Variants in TAF1C observed in about 807,000 individuals in gnomAD.
TAF1C encodes the protein TATA box-binding protein-associated factor RNA polymerase I subunit C.
Under a neutral mutation model 70.5 loss-of-function variants are expected in TAF1C, and 79 were observed. That is an observed-to-expected ratio of 1.12 (90% CI 0.93 to 1.35). TAF1C has a LOEUF of 1.35. Ranked by LOEUF, TAF1C falls within the 40% of genes most tolerant of loss-of-function variation. The pLI is 0.00. For synonymous variants in TAF1C, 614 were observed against 491.1 expected (o/e 1.25, Z -3.31); for missense variants, 1,412 against 1,127.8 (o/e 1.25, Z -3.61).
chr16:84,181,566 G>A (rs756249465), intron 10 of TAF1C, 26 bp downstream of exon 10: 6 of 1,613,928 alleles, frequency 3.7e-6, no homozygotes, highest in Non-Finnish European at 5.1e-6. Flanking sequence ...CGTTAGGGTG[G>A]GGGGTTTCAC....
chr16:84,181,467 G>C lies in TAF1C; in HGVS notation c.1029-4C>G, dbSNP rs749122375. ...GTCCCTGTAGATTTGCCGCAGCCTTGGGGAGACAGGCAAGCCGTGGGCAGG... is the reference window on the plus strand; with the variant it reads ...GTCCCTGTAGATTTGCCGCAGCCTTCGGGAGACAGGCAAGCCGTGGGCAGG... On this transcript the variant is annotated splice_region_variant and splice_polypyrimidine_tract_variant and intron_variant, in intron 10 of 14. Transcript: ENST00000566732. 1.9e-6 allele frequency: 3 copies of C among 1,613,690 alleles called. No individual in the cohort carries two copies. In the Admixed American group the frequency reaches 5.0e-5, roughly 27 times the overall value.
At position 84,182,495 on chromosome 16, in the gene TAF1C, G is replaced by T; in HGVS notation, c.483-55C>A. 2 of 1,517,748 alleles carry T rather than the reference G, an allele frequency of 1.3e-6. No individual in the cohort carries two copies. Among genetic ancestry groups the T allele is most frequent in the Non-Finnish European group, 1.8e-6 (2 of 1,127,140 alleles). 94.0% of individuals were successfully genotyped at this position (1,517,748 alleles called of 1,614,324 possible). A position where few individuals can be genotyped will look rare whatever the true frequency, so the allele number is the denominator to read the frequency against. ...CTCGGTGGCACTCAGGGGAGGACAG[G>T]TCCCATCCCAAGGAGGCCAAGTGCA... On this transcript the variant is annotated intron_variant, in intron 6 of 14. Transcript: ENST00000566732. The surrounding 1 kb of genome is among the most constrained non-coding windows in gnomAD (Gnocchi z 5.0).
Position 84,181,732 on chromosome 16 carries a change from C to G in TAF1C, c.956+14G>C, listed in dbSNP as rs1257132089. On this transcript the variant is annotated intron_variant, in intron 9 of 14. Transcript: ENST00000566732. The stretch of plus-strand genomic sequence containing the variant: ...CTCCAGCCCCTCCTCACCGACCAAC[C>G]TGACCCCCCTCACCTGAGGCTGATC... The G allele has an allele frequency of 6.2e-7, 1 of 1,613,894 alleles. No individual in the cohort carries two copies. Among genetic ancestry groups the G allele is most frequent in the Admixed American group, 1.7e-5 (1 of 60,008 alleles).
intron 12 of TAF1C, 139 bp from the exon 13 acceptor site, chr16:84,180,483 T>C (rs966852680): frequency 4.5e-6 from 4 of 889,384 alleles, no homozygotes; most frequent in Non-Finnish European, 6.6e-6. Flanking sequence ...TCCACGTGCC[T>C]CTCAGACTTC....
At chr16:84,186,267 C>T (rs934398067) in intron 1 of TAF1C, among the ~76,000 whole-genome samples, 4 of 152,152 alleles carry the variant, frequency 2.6e-5, no homozygotes, top group African/African-American at 9.7e-5. Context: ...AAATCTTTTC[C>T]CTTTGGCCGG....
Position 84,179,749 on chromosome 16 carries a change from G to T in TAF1C, c.1724C>A (p.Pro575His), listed in dbSNP as rs768803588. ...AGDVFYQQLR[P>H]QVDSSLRRDA... ...TCTGCGGAGGCTGGAGTCCACCTGG[G>T]GGCGGAGCTGCTGGTAGAAGACATC... The change falls in exon 15 of 15, where the codon CCC becomes CAC. Residue 575 changes from proline to histidine, a missense_variant. Coordinates refer to ENST00000566732, the MANE Select transcript of TAF1C (RefSeq NM_001243156.2). The T allele has an allele frequency of 1.9e-6, 3 of 1,610,290 alleles. No individual in the cohort carries two copies. The African/African-American group carries it at 4.0e-5, about 21-fold the overall frequency.
In TAF1C at chr16:84,183,795, C is replaced by T. The variant is rs536150276; in HGVS notation, c.139-17G>A. The T allele has an allele frequency of 3.1e-6, 5 of 1,599,860 alleles. No homozygotes were observed. The highest frequency in any genetic ancestry group is 1.3e-5 in the African/African-American group (1 of 74,814). On this transcript the variant is annotated splice_polypyrimidine_tract_variant and intron_variant, in intron 2 of 14. Transcript: ENST00000566732. ...TGCCCCATTCTGAAGGGAGGACAAT[C>T]GCAAGGACAGTATCATGATGAATGC... is the stretch of plus-strand genomic sequence containing the variant.
intron 2 of TAF1C, 53 bp from the exon 3 acceptor site, chr16:84,183,831 C>CCAGGCTGTGCACAGG (rs2089341009): frequency 2.1e-6 from 3 of 1,415,190 alleles, no homozygotes; most frequent in Non-Finnish European, 3.0e-6. Context: ...CCTCCCTGGG[C>CCAGGCTGTGCACAGG]CAGGCTGTGC....
chr16:84,183,541 G>A (rs1261062419), intron 3 of TAF1C, 34 bp from the exon 4 acceptor site: 1 of 1,583,378 alleles, frequency 6.3e-7, no homozygotes, highest in African/African-American at 1.3e-5. Context: ...GCTGGGGAGG[G>A]CACAGGAGTG....
Position 84,182,262 on chromosome 16 carries a change from C to T in TAF1C, c.661G>A (p.Gly221Arg), listed in dbSNP as rs35780231. The change falls in exon 7 of 15, where the codon GGA (glycine) becomes AGA (arginine). Residue 221 changes from glycine to arginine, a missense_variant. By Grantham distance (125) the Gly-to-Arg change is moderately radical. Coordinates refer to ENST00000566732, the MANE Select transcript of TAF1C (RefSeq NM_001243156.2). The surrounding 1 kb of genome is among the most constrained non-coding windows in gnomAD (Gnocchi z 5.0). The stretch of plus-strand genomic sequence containing the variant: ...AGCTGCCCGAACTGGGGTGTCCTTC[C>T]AGGAACCCAGGCCAGCGCGCCCCCA... ...CTGGALAWVP[G>R]RTPQFGQLVY... The T allele has an allele frequency of 5.8e-4, 937 of 1,612,948 alleles. 11 individuals carry two copies. Among genetic ancestry groups the T allele is most frequent in the Admixed American group, 4.2e-4 (25 of 59,998 alleles).
At position 84,184,828 on chromosome 16, in the gene TAF1C, G is replaced by A. The variant is rs748315165; in HGVS notation, c.138+23C>T. On this transcript the variant is annotated intron_variant, in intron 2 of 14. Coordinates refer to ENST00000566732, the MANE Select transcript of TAF1C (RefSeq NM_001243156.2). ...GGAAGGGATGTCCCTGGAGCTGCCA[G>A]GGCCCCCTGCCTGCATCCTCACCTC... 13 of 1,582,570 alleles carry A rather than the reference G, an allele frequency of 8.2e-6. No homozygotes were observed. In the African/African-American group the frequency reaches 1.1e-4, roughly 13 times the overall value.
Position 84,183,512 on chromosome 16 carries a change from G to A in TAF1C, c.221-5C>T. 6.2e-7 allele frequency: 1 copy of A among 1,607,512 alleles called. No individual in the cohort carries two copies. Among genetic ancestry groups the A allele is most frequent in the Non-Finnish European group, 8.5e-7 (1 of 1,176,768 alleles). On this transcript the variant is annotated splice_region_variant and splice_polypyrimidine_tract_variant and intron_variant, in intron 3 of 14. Transcript: ENST00000566732. Reference sequence around the variant, plus strand: ...TCAGGCCAGGGTCCCAGGGATCTGAGAAGGAGGTTACGGAAAGGGCTGGGG... The same window carrying A: ...TCAGGCCAGGGTCCCAGGGATCTGAAAAGGAGGTTACGGAAAGGGCTGGGG...
At position 84,180,063 on chromosome 16, in the gene TAF1C, G is replaced by A. The variant is rs774598032; in HGVS notation, c.1504C>T (p.Arg502Cys). 2.6e-5 allele frequency: 42 copies of A among 1,602,366 alleles called. No individual in the cohort carries two copies. Among genetic ancestry groups the A allele is most frequent in the Non-Finnish European group, 3.0e-5 (35 of 1,175,314 alleles). ...HLAGEGASVP[R>C]LAGPPQSLPS... ...AGAGACTGGGGGGGGCCTGCCAGGC[G>A]GGGCACCGACGCCCCTTCTCCTGAG... is the stretch of plus-strand genomic sequence containing the variant. Residue 502 changes from arginine (R) to cysteine (C), a missense_variant, in exon 14 of 15, where the codon CGC becomes TGC. Transcript: ENST00000566732.
Position 84,183,505 on chromosome 16 carries a change from G to A in TAF1C, c.223C>T (p.Pro75Ser), listed in dbSNP as rs1429333092. Residue 75 changes from proline (P) to serine (S), a missense_variant and splice_region_variant, in exon 4 of 15, where the codon CCC (proline) becomes TCC (serine). Pro to Ser is a moderately conservative substitution (Grantham distance 74). Transcript: ENST00000566732. The part of the protein sequence containing the change: ...PLPMLPPLID[P>S]WDPGLTARDL... ...CGGGCAGTCAGGCCAGGGTCCCAGG[G>A]ATCTGAGAAGGAGGTTACGGAAAGG... 6.2e-7 allele frequency: 1 copy of A among 1,609,122 alleles called. No individual in the cohort carries two copies. The highest frequency in any genetic ancestry group is 8.5e-7 in the Non-Finnish European group (1 of 1,177,710).
intron 3 of TAF1C, 24 bp downstream of exon 3, chr16:84,183,673 A>T: frequency 6.2e-7 from 1 of 1,602,450 alleles, no homozygotes; most frequent in South Asian, 1.1e-5. Flanking sequence ...GTGTGGAGTG[A>T]GCCCGGGGGA....
Position 84,178,267 on chromosome 16 carries a change from A to G in TAF1C, c.*674T>C. The G allele has an allele frequency of 2.2e-6, 1 of 449,826 alleles. No homozygotes were observed. The allele number at this position is 449,826 out of a possible 1,614,324, so 27.9% of individuals were successfully genotyped here. A position where few individuals can be genotyped will look rare whatever the true frequency, so the allele number is the denominator to read the frequency against. Reference sequence around the variant, plus strand: ...ACTATCGACAGCCCACAGGTGCCAGACCCATGTCCCAAGGGAGAAGGAACA... The same window carrying G: ...ACTATCGACAGCCCACAGGTGCCAGGCCCATGTCCCAAGGGAGAAGGAACA... On this transcript the variant is annotated 3_prime_UTR_variant, in exon 15 of 15. Transcript: ENST00000566732.
rs1434247075 is a variant in TAF1C, at chr16:84,182,029, C to G, written c.751G>C (p.Asp251His). The G allele has an allele frequency of 2.5e-6, 4 of 1,613,440 alleles. No individual in the cohort carries two copies. The Admixed American group carries it at 6.7e-5, about 27-fold the overall frequency. Residue 251 changes from aspartate (D) to histidine (H), a missense_variant, in exon 8 of 15, where the codon GAC (aspartate) becomes CAC (histidine). By Grantham distance (81) the Asp-to-His change is moderately conservative. Transcript: ENST00000566732. The surrounding 1 kb of genome is among the most constrained non-coding windows in gnomAD (Gnocchi z 5.0). ...GGTTTCCCAAGGAATTGGGGATTGT[C>G]ACCTGGGGTCAGAACGACCTCTTGG... Reference protein sequence around the residue: ...HFQEVVLTPGDNPQFLGKPGR... With the variant: ...HFQEVVLTPGHNPQFLGKPGR...
At position 84,178,329 on chromosome 16, in the gene TAF1C, T is replaced by C. The variant is rs557120269; in HGVS notation, c.*612A>G. Reference sequence around the variant, plus strand: ...CTCTCTGCATGAGCTCAGTGTCAGGTAGTAGCTGTGGCGGGACGCTGTCCA... The same window carrying C: ...CTCTCTGCATGAGCTCAGTGTCAGGCAGTAGCTGTGGCGGGACGCTGTCCA... On this transcript the variant is annotated 3_prime_UTR_variant, in exon 15 of 15. Transcript: ENST00000566732. 5 of 456,766 alleles carry C rather than the reference T, an allele frequency of 1.1e-5. No individual in the cohort carries two copies. The highest frequency in any genetic ancestry group is 4.0e-5 in the African/African-American group (2 of 50,050). 28.3% of individuals were successfully genotyped at this position (456,766 alleles called of 1,614,324 possible).
chr16:84,178,832 CAGA>C lies in TAF1C; in HGVS notation c.*106_*108del. On this transcript the variant is annotated 3_prime_UTR_variant, in exon 15 of 15. Transcript: ENST00000566732. ...CTTGGCTCATCATCACAGTGGCCTC[CAGA>C]AGGTGGCGAGCTCTGCTTCTCAAGT... 7.8e-7 allele frequency: 1 copy of C among 1,279,352 alleles called. No homozygotes were observed. Among genetic ancestry groups the C allele is most frequent in the Non-Finnish European group, 1.1e-6 (1 of 941,168 alleles). 79.3% of individuals were successfully genotyped at this position (1,279,352 alleles called of 1,614,324 possible).
Sources: allele counts gnomAD v4.1 joint callset (sites outside exome capture counted in the v4.1 genomes callset), GRCh38; gene constraint gnomAD v4.1.1; non-coding constraint Gnocchi (gnomAD v3.1); transcripts MANE v1.5; gene names NCBI Gene and HGNC (gene_info 2026-07-23, HGNC 2026-07-21).